BORCS5: variants seen among roughly 807,000 people sequenced by gnomAD.
BORCS5 encodes BLOC-1-related complex subunit 5.
Under a neutral mutation model 22.1 loss-of-function variants are expected in BORCS5, and 17 were observed. That is an observed-to-expected ratio of 0.77 (90% CI 0.53 to 1.15). The LOEUF (loss-of-function observed/expected upper bound fraction) is 1.15, where lower values mean the gene tolerates loss of function less well. Among genes scored for constraint, BORCS5 ranks in the 50% most tolerant of loss-of-function variants. BORCS5 has a pLI of 0.00. For missense variants in BORCS5, 247 were observed against 253.2 expected (o/e 0.98, Z 0.17); for synonymous variants, 117 against 99.8 (o/e 1.17, Z -1.03).
intron 2 of BORCS5, among the ~76,000 whole-genome samples, chr12:12,385,226 C>T (rs1863855469): frequency 6.6e-6 from 1 of 151,474 alleles, no homozygotes; most frequent in African/African-American, 2.4e-5. Context: ...ACAGCCTTAG[C>T]TAGGAGTAAG....
intron 2 of BORCS5, among the ~76,000 whole-genome samples, chr12:12,382,441 T>G (rs1269379260): frequency 2.0e-5 from 3 of 151,064 alleles, no homozygotes; most frequent in Non-Finnish European, 3.0e-5. Context: ...CCTCCAACAT[T>G]AGGGGCCACA....
chr12:12,397,439 G>A (rs536544561), intron 2 of BORCS5, among the ~76,000 whole-genome samples: 20 of 152,340 alleles, frequency 1.3e-4, no homozygotes, highest in Non-Finnish European at 2.8e-4. Context: ...AACAGCCTAC[G>A]CTGGGAATTC....
At chr12:12,436,581 A>G (rs1454051211) in intron 3 of BORCS5, among the ~76,000 whole-genome samples, 1 of 152,210 alleles carries the variant, frequency 6.6e-6, no homozygotes. Context: ...TGGAGAAACC[A>G]CTTCTGTGAA....
At chr12:12,400,680 G>A (rs140027085) in intron 2 of BORCS5, among the ~76,000 whole-genome samples, 92 of 150,966 alleles carry the variant, frequency 6.1e-4, no homozygotes, top group African/African-American at 2.2e-3. Flanking sequence ...CTCTTTCCCT[G>A]CAGGAAGAAA....
At chr12:12,359,972 G>T (rs73279320) in intron 1 of BORCS5, among the ~76,000 whole-genome samples, 35,778 of 151,880 alleles carry the variant, frequency 0.24, 5,496 homozygotes, top group East Asian at 0.52. Flanking sequence ...TCTCAAGATA[G>T]CAGGAGAATT....
chr12:12,417,730 A>G (rs571383953), intron 2 of BORCS5, among the ~76,000 whole-genome samples: 153 of 152,268 alleles, frequency 1.0e-3, no homozygotes, highest in South Asian at 2.1e-3. Flanking sequence ...ATCTTGGCTC[A>G]CTGCAACCTC....
intron 2 of BORCS5, among the ~76,000 whole-genome samples, chr12:12,387,097 G>A (rs1168001131): frequency 2.0e-5 from 3 of 151,268 alleles, no homozygotes; most frequent in African/African-American, 7.3e-5. Context: ...CAAACACCTG[G>A]CCTCAAGTCA....
In BORCS5 at chr12:12,469,106, A is replaced by G. The variant is rs1943245530; in HGVS notation, c.*3330A>G. Reference sequence around the variant, plus strand: ...GGTGGCTCACACCTGTAATCCCAGCACTTTGGGAGGCCGAGACGAGTGGAT... The same window carrying G: ...GGTGGCTCACACCTGTAATCCCAGCGCTTTGGGAGGCCGAGACGAGTGGAT... On this transcript the variant is annotated 3_prime_UTR_variant, in exon 4 of 4. Transcript: ENST00000314565. 6.6e-6 allele frequency: 1 copy of G among 152,206 alleles called. No individual in the cohort carries two copies. The highest frequency in any genetic ancestry group is 6.5e-5 in the Admixed American group (1 of 15,272). The allele number at this position is 152,206 out of a possible 1,614,324, so 9.4% of individuals were successfully genotyped here.
intron 2 of BORCS5, among the ~76,000 whole-genome samples, chr12:12,382,389 G>A (rs2136045552): frequency 6.6e-6 from 1 of 151,144 alleles, no homozygotes; most frequent in East Asian, 1.9e-4. Flanking sequence ...CCATTCTTGA[G>A]GGATCTGCTC....
chr12:12,399,895 C>T (rs114629745), intron 2 of BORCS5, among the ~76,000 whole-genome samples: 162 of 152,264 alleles, frequency 1.1e-3, no homozygotes, highest in African/African-American at 3.8e-3. Flanking sequence ...CATTGTTTTC[C>T]ACTCATCTGG....
chr12:12,406,460 G>A (rs1389959962), intron 2 of BORCS5, among the ~76,000 whole-genome samples: 1 of 152,146 alleles, frequency 6.6e-6, no homozygotes, highest in Non-Finnish European at 1.5e-5. Flanking sequence ...TTACCCATTG[G>A]AGCTAAGGAA....
chr12:12,409,771 T>G (rs918527226), intron 2 of BORCS5, among the ~76,000 whole-genome samples: 2 of 151,370 alleles, frequency 1.3e-5, no homozygotes, highest in Admixed American at 6.6e-5. Flanking sequence ...GGTCAAATGG[T>G]ATTTCTAGTT....
chr12:12,408,840 T>C (rs1941650631), intron 2 of BORCS5, among the ~76,000 whole-genome samples: 1 of 152,216 alleles, frequency 6.6e-6, no homozygotes, highest in South Asian at 2.1e-4. Flanking sequence ...ATTCTTCTAT[T>C]GATGGAAATT....
At chr12:12,443,653 T>C (rs1592132200) in intron 3 of BORCS5, among the ~76,000 whole-genome samples, 1 of 152,232 alleles carries the variant, frequency 6.6e-6, no homozygotes, top group East Asian at 1.9e-4. Flanking sequence ...AAATGTAGGC[T>C]TGTGTTTTTT....
At chr12:12,455,700 A>G (rs1452046567) in intron 3 of BORCS5, among the ~76,000 whole-genome samples, 1 of 151,872 alleles carries the variant, frequency 6.6e-6, no homozygotes, top group Non-Finnish European at 1.5e-5. Context: ...AATTGCTTCA[A>G]CCCAGGAGGT....
At chr12:12,454,090 ATATTTGGGTTGTGTCTAC>A (rs1592139940) in intron 3 of BORCS5, among the ~76,000 whole-genome samples, 2 of 152,216 alleles carry the variant, frequency 1.3e-5, no homozygotes, top group East Asian at 3.9e-4. Context: ...CAGTGGATGG[ATATTTGGGTTGTGTCTAC>A]TTTTTGCCTA....
chr12:12,453,016 A>T (rs958514877), intron 3 of BORCS5, among the ~76,000 whole-genome samples: 1 of 152,234 alleles, frequency 6.6e-6, no homozygotes, highest in South Asian at 2.1e-4. Context: ...AGCTAATACC[A>T]TGAGTCAAAG....
At chr12:12,462,896 A>G (rs1265057507) in intron 3 of BORCS5, among the ~76,000 whole-genome samples, 3 of 131,810 alleles carry the variant, frequency 2.3e-5, no homozygotes, top group African/African-American at 3.2e-5. Flanking sequence ...AGCTCAGGCA[A>G]TCCGCCCTCC....
At chr12:12,464,480 C>A (rs1943164339) in intron 3 of BORCS5, among the ~76,000 whole-genome samples, 1 of 152,126 alleles carries the variant, frequency 6.6e-6, no homozygotes, top group Non-Finnish European at 1.5e-5. Flanking sequence ...TGTCCTGATG[C>A]AAGGTCGGGA....
Sources: allele counts gnomAD v4.1 joint callset (sites outside exome capture counted in the v4.1 genomes callset), GRCh38; gene constraint gnomAD v4.1.1; transcripts MANE v1.5; gene names NCBI Gene and HGNC (gene_info 2026-07-23, HGNC 2026-07-21).